The following UNKL variants were observed in gnomAD, a reference collection of about 807,000 sequenced individuals.
UNKL encodes the protein unk like zinc finger.
In UNKL, 60 loss-of-function variants were observed where a neutral mutation model predicts 78.0. That is an observed-to-expected ratio of 0.77 (90% CI 0.63 to 0.95). UNKL has a LOEUF of 0.95. Among genes scored for constraint, UNKL ranks in the 40% least tolerant of loss-of-function variants. The pLI, the probability that UNKL is intolerant of heterozygous loss-of-function variation, is 0.00. For synonymous variants in UNKL, 608 were observed against 474.8 expected (o/e 1.28, Z -3.65); for missense variants, 1,159 against 1,045.7 (o/e 1.11, Z -1.49).
chr16:1,369,266 C>T (rs887533642), intron 12 of UNKL, among the ~76,000 whole-genome samples: 7 of 151,014 alleles, frequency 4.6e-5, no homozygotes, highest in Non-Finnish European at 4.4e-5. Flanking sequence ...GACGGGGTTT[C>T]ACCATGTTGG....
Position 1,413,942 on chromosome 16 carries a change from C to T in UNKL, c.191G>A (p.Arg64Lys). Residue 64 changes from arginine to lysine, a missense_variant, in exon 2 of 15, where the codon AGG (arginine) becomes AAG (lysine). By Grantham distance (26) the Arg-to-Lys change is conservative. Transcript: ENST00000389221. Reference protein sequence around the residue: ...HWHFLNQRRRRPLRRRDGTFN... With the variant: ...HWHFLNQRRRKPLRRRDGTFN... ...GGTGCCGTCGCGCCTGCGGAGGGGC[C>T]TGCGGCGCCGCTGGTTGAGGAAGTG... 1 of 1,553,612 alleles carries T rather than the reference C, an allele frequency of 6.4e-7. No homozygotes were observed. The highest frequency in any genetic ancestry group is 8.7e-7 in the Non-Finnish European group (1 of 1,148,698).
At chr16:1,367,483 G>GGCCCCCCCCC in intron 13 of UNKL, 134 bp from the exon 14 acceptor site, 1 of 568,654 alleles carries the variant, frequency 1.8e-6, no homozygotes, top group Non-Finnish European at 2.6e-6. Context: ...GACCCCTGCG[G>GGCCCCCCCCC]CCCTCCCTCC....
intron 6 of UNKL, 100 bp from the exon 7 acceptor site, chr16:1,394,315 C>CGTAACAA: frequency 5.8e-6 from 8 of 1,373,202 alleles, no homozygotes; most frequent in Non-Finnish European, 8.1e-6. Flanking sequence ...AGCTCCAAAT[C>CGTAACAA]GTAACAAGAC....
chr16:1,376,367 TTCCCTCC>T (rs1430023084), intron 10 of UNKL, among the ~76,000 whole-genome samples: 3 of 123,898 alleles, frequency 2.4e-5, no homozygotes, highest in Admixed American at 1.6e-4. Flanking sequence ...GGTGCTCCTC[TTCCCTCC>T]TCCCTCCAGG....
At chr16:1,401,337 A>G (rs1174252524) in intron 4 of UNKL, 3 of 437,556 alleles carry the variant, frequency 6.9e-6, no homozygotes, top group South Asian at 1.9e-4. Flanking sequence ...CTGAGATGCC[A>G]GTTGCCGCAG....
At chr16:1,375,237 C>T (rs1435675225) in intron 10 of UNKL, among the ~76,000 whole-genome samples, 1 of 152,240 alleles carries the variant, frequency 6.6e-6, no homozygotes, top group Admixed American at 6.5e-5. Context: ...GGCCTCTGAA[C>T]TTCACCCCGA....
In UNKL at chr16:1,392,942, G is replaced by A. The variant is rs537172956; in HGVS notation, c.972C>T (p.His324=). ...SLGMVNEWGC[H]DLHLTSPSST... is the part of the protein sequence containing the mutation. ...AGGAAGGACTCGTGAGGTGGAGGTC[G>A]TGACAGCCCCATTCATTCACCATCC... is the stretch of plus-strand genomic sequence containing the variant. The change falls in exon 8 of 15, where the codon CAC becomes CAT. Residue 324 remains histidine, a synonymous_variant. Transcript: ENST00000389221. The A allele has an allele frequency of 3.6e-4, 563 of 1,550,572 alleles. No homozygotes were observed. The highest frequency in any genetic ancestry group is 4.6e-4 in the Non-Finnish European group (525 of 1,147,002).
intron 3 of UNKL, among the ~76,000 whole-genome samples, chr16:1,402,347 C>A (rs1392777167): frequency 6.6e-6 from 1 of 152,220 alleles, no homozygotes; most frequent in Non-Finnish European, 1.5e-5. Context: ...GTGAGAAGAG[C>A]TGAAGGACTG....
Position 1,369,418 on chromosome 16 carries a change from G to A in UNKL, c.1585+712C>T, listed in dbSNP as rs565678248. ...GAGTTTCACTCTTGTTGCCCAGGCT[G>A]GAGCATAATGGCACAATCTCAGCTC... On this transcript the variant is annotated intron_variant, in intron 12 of 14. Coordinates refer to ENST00000389221, the MANE Select transcript of UNKL (RefSeq NM_001372107.1). Among the ~76,000 whole-genome samples the A allele has an allele frequency of 4.0e-5, 6 of 150,934 alleles. No homozygotes were observed. In the South Asian group the frequency reaches 1.0e-3, roughly 26 times the overall value.
intron 10 of UNKL, among the ~76,000 whole-genome samples, chr16:1,377,247 C>A (rs1236315739): frequency 6.6e-6 from 1 of 152,164 alleles, no homozygotes; most frequent in Non-Finnish European, 1.5e-5. Context: ...GTCATGAACT[C>A]CCCACCTCAG....
At chr16:1,367,884 C>T in intron 12 of UNKL, 26 bp from the exon 13 acceptor site, 1 of 1,534,676 alleles carries the variant, frequency 6.5e-7, no homozygotes, top group Non-Finnish European at 8.8e-7. Context: ...TCGATGACGG[C>T]CCAGCCCTGC....
At chr16:1,401,420 G>A in intron 4 of UNKL, 148 bp downstream of exon 4, 1 of 1,052,508 alleles carries the variant, frequency 9.5e-7, no homozygotes, top group Non-Finnish European at 1.2e-6. Flanking sequence ...GTTGGGGAGG[G>A]CTTGGTATTG....
rs544782598 is a variant in UNKL, at chr16:1,366,478, G to A, written c.2047-83C>T. 42 of 1,441,568 alleles carry A rather than the reference G, an allele frequency of 2.9e-5. No homozygotes were observed. The African/African-American group carries it at 5.1e-4, about 18-fold the overall frequency. 89.3% of individuals were successfully genotyped at this position (1,441,568 alleles called of 1,614,324 possible). A position where few individuals can be genotyped will look rare whatever the true frequency, so the allele number is the denominator to read the frequency against. On this transcript the variant is annotated intron_variant, in intron 14 of 14. Coordinates refer to ENST00000389221, the MANE Select transcript of UNKL (RefSeq NM_001372107.1). ...GGGAGCCGGAGGGCCTTCCGGGCAG[G>A]ACTCAGCATCTCAGGCCGCCCGGCC... is the stretch of plus-strand genomic sequence containing the variant.
rs564784826 is a variant in UNKL, at chr16:1,382,637, G to T, written c.1264+2571C>A. 3.9e-5 allele frequency among the ~76,000 whole-genome samples: 6 copies of T among 152,306 alleles called. No individual in the cohort carries two copies. In the South Asian group the frequency reaches 1.2e-3, roughly 32 times the overall value. On this transcript the variant is annotated intron_variant, in intron 10 of 14. Transcript: ENST00000389221. ...GGGGGAGATGCACACGGCCACAAAA[G>T]TTCCCAGTATTTGTGAAAGAGACCC...
chr16:1,400,502 G>T (rs2037478426), intron 4 of UNKL, among the ~76,000 whole-genome samples: 2 of 149,456 alleles, frequency 1.3e-5, no homozygotes, highest in African/African-American at 4.9e-5. Context: ...ACAGAGATGG[G>T]ATGCAGGCCA....
intron 4 of UNKL, chr16:1,401,322 C>T (rs1191661550): frequency 2.4e-6 from 1 of 414,396 alleles, no homozygotes; most frequent in Non-Finnish European, 4.2e-6. Context: ...CAATGGCTGG[C>T]CCCACTGAGA....
At chr16:1,379,500 G>T (rs576529090) in intron 10 of UNKL, 3 of 985,204 alleles carry the variant, frequency 3.0e-6, no homozygotes, top group Non-Finnish European at 3.6e-6. Context: ...CCCCGCGGCT[G>T]TCACACCCGG....
chr16:1,402,425 G>A (rs985840077), intron 3 of UNKL, among the ~76,000 whole-genome samples: 2 of 151,908 alleles, frequency 1.3e-5, no homozygotes, highest in African/African-American at 4.8e-5. Flanking sequence ...AATTTCAGGA[G>A]GCCGAGGCGG....
intron 12 of UNKL, among the ~76,000 whole-genome samples, chr16:1,369,347 G>A (rs1350065301): frequency 2.0e-5 from 3 of 150,898 alleles, no homozygotes; most frequent in South Asian, 2.1e-4. Flanking sequence ...GATGACAGGC[G>A]TGAGCCACCA....
Sources: gnomAD v4.1 joint callset for allele counts (sites outside exome capture counted in the v4.1 genomes callset) on GRCh38, gnomAD v4.1.1 for gene constraint, MANE v1.5 for transcripts, NCBI Gene and HGNC (gene_info 2026-07-23, HGNC 2026-07-21) for gene names.